SLC2A13: variants seen among roughly 807,000 people sequenced by gnomAD.
SLC2A13 encodes proton myo-inositol cotransporter.
Under a neutral mutation model 64.4 loss-of-function variants are expected in SLC2A13, and 32 were observed. That is an observed-to-expected ratio of 0.50 (90% CI 0.37 to 0.67). SLC2A13 has a LOEUF of 0.67. SLC2A13 is among the 30% of genes least tolerant of loss of function. The pLI, the probability that SLC2A13 is intolerant of heterozygous loss-of-function variation, is 0.00. For missense variants in SLC2A13, 743 were observed against 829.2 expected, an observed-to-expected ratio of 0.90 and a Z score of 1.28; for synonymous variants, 338 against 327.1, an observed-to-expected ratio of 1.03 and a Z score of -0.36.
chr12:39,764,005 T>TAA (rs2135712548), intron 9 of SLC2A13, among the ~76,000 whole-genome samples: 1 of 152,254 alleles, frequency 6.6e-6, no homozygotes, highest in East Asian at 1.9e-4. Flanking sequence ...AGCATACTGT[T>TAA]AAGCATTTGA....
intron 2 of SLC2A13, among the ~76,000 whole-genome samples, chr12:40,029,740 A>G (rs951328074): frequency 6.6e-6 from 1 of 152,210 alleles, no homozygotes; most frequent in Non-Finnish European, 1.5e-5. Flanking sequence ...GAAACAGAAA[A>G]ATTAACCAGG....
intron 3 of SLC2A13, among the ~76,000 whole-genome samples, chr12:40,022,748 G>A (rs1344144783): frequency 6.6e-6 from 1 of 151,686 alleles, no homozygotes; most frequent in African/African-American, 2.4e-5. Context: ...TGAGGCAGGG[G>A]AATCACTTGA....
At chr12:39,785,488 C>G (rs962738223) in intron 7 of SLC2A13, among the ~76,000 whole-genome samples, 8 of 152,164 alleles carry the variant, frequency 5.3e-5, no homozygotes, top group African/African-American at 1.9e-4. Context: ...GGGGCGAGGC[C>G]CTCATGGAGA....
intron 3 of SLC2A13, among the ~76,000 whole-genome samples, chr12:39,995,281 G>T (rs1403855232): frequency 6.6e-6 from 1 of 152,146 alleles, no homozygotes; most frequent in Non-Finnish European, 1.5e-5. Flanking sequence ...ATTTGTTTGT[G>T]TTGGGTACAT....
At chr12:39,991,788 T>A (rs1302945600) in intron 3 of SLC2A13, among the ~76,000 whole-genome samples, 3 of 112,292 alleles carry the variant, frequency 2.7e-5, no homozygotes. Context: ...ATTTCAAGAT[T>A]ATATTCTACT....
At chr12:39,787,631 A>T (rs567453863) in intron 7 of SLC2A13, among the ~76,000 whole-genome samples, 2 of 152,252 alleles carry the variant, frequency 1.3e-5, no homozygotes, top group Non-Finnish European at 2.9e-5. Flanking sequence ...TCATGAATAA[A>T]CTTACTCATT....
chr12:40,104,384 C>T (rs545547971), intron 1 of SLC2A13, among the ~76,000 whole-genome samples: 3 of 152,266 alleles, frequency 2.0e-5, no homozygotes, highest in Middle Eastern at 3.4e-3. Context: ...TGCTCAGCAA[C>T]CAGGGTGAAA....
intron 3 of SLC2A13, among the ~76,000 whole-genome samples, chr12:39,968,641 A>G (rs1317825868): frequency 1.3e-5 from 2 of 151,430 alleles, no homozygotes; most frequent in African/African-American, 4.9e-5. Flanking sequence ...AAGTCTACCA[A>G]CCTACAATTC....
At chr12:39,848,530 C>T (rs776411312) in intron 6 of SLC2A13, among the ~76,000 whole-genome samples, 2 of 152,094 alleles carry the variant, frequency 1.3e-5, no homozygotes. Context: ...ATAACAGATG[C>T]TGGTGAGGTT....
intron 4 of SLC2A13, among the ~76,000 whole-genome samples, chr12:39,877,795 CA>C (rs1565515097): frequency 6.6e-6 from 1 of 152,112 alleles, no homozygotes; most frequent in African/African-American, 2.4e-5. Flanking sequence ...AATTTCTTCT[CA>C]AAAAATACAT....
In SLC2A13 at chr12:39,819,440, T is replaced by C. The variant is rs75546330; in HGVS notation, c.1445+10663A>G. ...CATATCTTGTATCTGAAGTGCTCTG[T>C]CCCATAGTTTACTACAAACTTTTAT... On this transcript the variant is annotated intron_variant, in intron 7 of 9. Coordinates refer to ENST00000280871, the MANE Select transcript of SLC2A13 (RefSeq NM_052885.4). Among the ~76,000 whole-genome samples the C allele has an allele frequency of 3.6e-4, 55 of 152,270 alleles. No homozygotes were observed. The East Asian group carries it at 0.01, about 29-fold the overall frequency.
chr12:39,923,396 A>T (rs1945650158), intron 4 of SLC2A13, among the ~76,000 whole-genome samples: 1 of 152,174 alleles, frequency 6.6e-6, no homozygotes, highest in Admixed American at 6.6e-5. Context: ...CAAATAAACC[A>T]GACAAAAAGG....
intron 1 of SLC2A13, among the ~76,000 whole-genome samples, chr12:40,102,802 G>C (rs2136310445): frequency 6.6e-6 from 1 of 152,136 alleles, no homozygotes; most frequent in African/African-American, 2.4e-5. Context: ...TTTCCTTGTA[G>C]CTTAAAAAAA....
At chr12:39,947,185 A>G (rs1946150468) in intron 4 of SLC2A13, among the ~76,000 whole-genome samples, 1 of 152,246 alleles carries the variant, frequency 6.6e-6, no homozygotes, top group South Asian at 2.1e-4. Flanking sequence ...GAGAGTGGCT[A>G]AAAAGTAAAA....
chr12:39,858,536 G>A (rs142335504), intron 6 of SLC2A13, among the ~76,000 whole-genome samples: 13 of 152,270 alleles, frequency 8.5e-5, no homozygotes, highest in African/African-American at 3.1e-4. Context: ...AATTACTGAT[G>A]CTAAACACAC....
chr12:39,849,506 G>A (rs1442478715), intron 6 of SLC2A13, among the ~76,000 whole-genome samples: 5 of 152,170 alleles, frequency 3.3e-5, no homozygotes, highest in Non-Finnish European at 1.5e-5. Flanking sequence ...TTGTGAGGCT[G>A]TTTATTGAGG....
In SLC2A13 at chr12:39,985,331, C is replaced by T. The variant is rs1407703364; in HGVS notation, c.926-33966G>A. Among the ~76,000 whole-genome samples, 4 of 152,006 alleles carry T rather than the reference C, an allele frequency of 2.6e-5. No individual in the cohort carries two copies. In the East Asian group the frequency reaches 7.7e-4, roughly 29 times the overall value. The stretch of plus-strand genomic sequence containing the variant: ...GCCTGTTTCTCTTTCCTAAAATTAC[C>T]AAGTTAGCCATTATTTGCATTCTCT... On this transcript the variant is annotated intron_variant, in intron 3 of 9. Coordinates refer to ENST00000280871, the MANE Select transcript of SLC2A13 (RefSeq NM_052885.4).
At chr12:39,959,564 C>A (rs937886360) in intron 3 of SLC2A13, among the ~76,000 whole-genome samples, 16 of 152,122 alleles carry the variant, frequency 1.1e-4, no homozygotes, top group African/African-American at 1.9e-4. Context: ...TTTTCAAAAA[C>A]CAATTTCTGT....
chr12:39,864,399 C>T (rs1325284132), intron 6 of SLC2A13, among the ~76,000 whole-genome samples: 2 of 152,304 alleles, frequency 1.3e-5, no homozygotes, highest in Middle Eastern at 3.4e-3. Flanking sequence ...AGTTTGATTA[C>T]TGATTAAAGT....
Sources: allele counts gnomAD v4.1 joint callset (sites outside exome capture counted in the v4.1 genomes callset), GRCh38; gene constraint gnomAD v4.1.1; transcripts MANE v1.5; gene names NCBI Gene and HGNC (gene_info 2026-07-23, HGNC 2026-07-21).